MSI2: variants seen among roughly 807,000 people sequenced by gnomAD.
MSI2 encodes musashi RNA binding protein 2, also known as RNA-binding protein Musashi homolog 2.
Under a neutral mutation model 45.6 loss-of-function variants are expected in MSI2, and 17 were observed. The observed-to-expected ratio is 0.37, with a 90% CI of 0.26 to 0.56. MSI2 has a LOEUF of 0.56. Among genes scored for constraint, MSI2 ranks in the 20% least tolerant of loss-of-function variants. MSI2 has a pLI of 0.77. For missense variants in MSI2, 293 were observed against 444.2 expected (o/e 0.66, Z 3.06); for synonymous variants, 156 against 158.2 (o/e 0.99, Z 0.11).
chr17:57,293,905 G>A (rs2143486256), intron 5 of MSI2, among the ~76,000 whole-genome samples: 1 of 98,270 alleles, frequency 1.0e-5, no homozygotes, highest in African/African-American at 4.3e-5. Flanking sequence ...ACTGTGCCCA[G>A]CCTGTTTTTT....
chr17:57,272,814 C>T (rs77479961), intron 5 of MSI2, among the ~76,000 whole-genome samples: 1,967 of 152,254 alleles, frequency 0.013, 42 homozygotes, highest in African/African-American at 0.045. Flanking sequence ...GGCGAGTGTT[C>T]TGAAAAACTG....
At chr17:57,324,439 A>G (rs115423219) in intron 5 of MSI2, among the ~76,000 whole-genome samples, 1,575 of 152,140 alleles carry the variant, frequency 0.01, 33 homozygotes, top group African/African-American at 0.036. Flanking sequence ...ATTCAGTGAC[A>G]CTTCCCTTGT....
chr17:57,363,004 T>G (rs1467494594), intron 5 of MSI2, among the ~76,000 whole-genome samples: 1 of 152,256 alleles, frequency 6.6e-6, no homozygotes, highest in Non-Finnish European at 1.5e-5. Flanking sequence ...GCAGTTCTAC[T>G]TCTGGTTATA....
At chr17:57,501,746 C>T (rs754553025) in intron 6 of MSI2, among the ~76,000 whole-genome samples, 10 of 152,182 alleles carry the variant, frequency 6.6e-5, no homozygotes, top group Non-Finnish European at 1.3e-4. Context: ...AGCCCCTGCT[C>T]CTGGAGATTT....
intron 9 of MSI2, among the ~76,000 whole-genome samples, chr17:57,621,027 A>C (rs1350595142): frequency 6.6e-6 from 1 of 152,186 alleles, no homozygotes; most frequent in African/African-American, 2.4e-5. Context: ...GGACTCTCTA[A>C]GCGAGGAGAC....
chr17:57,430,618 A>ATTTTCCCATATG (rs896472855), intron 6 of MSI2, among the ~76,000 whole-genome samples: 1 of 151,728 alleles, frequency 6.6e-6, no homozygotes, highest in Admixed American at 6.6e-5. Flanking sequence ...TTCACCTCTC[A>ATTTTCCCATATG]TTTTCCCATA....
Position 57,681,635 on chromosome 17 carries a change from TA to T in MSI2, c.*2128del, listed in dbSNP as rs943044779. On this transcript the variant is annotated 3_prime_UTR_variant, in exon 14 of 14. Transcript: ENST00000284073. ...AAACAGCAACAACATTTTTTTTAAT[TA>T]AAAAAAAAATCATGTTCTTTGTTTT... The T allele has an allele frequency of 1.0e-3, 182 of 181,544 alleles. No individual in the cohort carries two copies. The highest frequency in any genetic ancestry group is 2.6e-3 in the East Asian group (28 of 10,972). The allele number at this position is 181,544 out of a possible 1,614,324, so 11.2% of individuals were successfully genotyped here.
rs563327421 is a variant in MSI2, at chr17:57,552,224, C to T, written c.454+22500C>T. Among the ~76,000 whole-genome samples the T allele has an allele frequency of 1.3e-5, 2 of 152,306 alleles. No homozygotes were observed. Among genetic ancestry groups the T allele is most frequent in the Admixed American group, 6.5e-5 (1 of 15,302 alleles). On this transcript the variant is annotated intron_variant, in intron 7 of 13. Coordinates refer to ENST00000284073, the MANE Select transcript of MSI2 (RefSeq NM_138962.4). The surrounding 1 kb of genome is among the most constrained non-coding windows in gnomAD (Gnocchi z 4.3). ...TTTTACTGCTAACGGGACAGAGTAA[C>T]GCACATAACCCATGGGGGAGTTGCA...
chr17:57,397,043 C>A (rs1055171745), intron 5 of MSI2, among the ~76,000 whole-genome samples: 2 of 152,154 alleles, frequency 1.3e-5, no homozygotes, highest in African/African-American at 4.8e-5. Flanking sequence ...TTGGACTGAG[C>A]TCCCTGAAAC....
At chr17:57,383,659 TA>T (rs200196606) in intron 5 of MSI2, among the ~76,000 whole-genome samples, 6 of 151,638 alleles carry the variant, frequency 4.0e-5, no homozygotes, top group African/African-American at 1.2e-4. Context: ...AGACTCCGTC[TA>T]AAAAAAATAA....
intron 5 of MSI2, among the ~76,000 whole-genome samples, chr17:57,309,742 G>A (rs1310090339): frequency 6.6e-6 from 1 of 152,156 alleles, no homozygotes; most frequent in Non-Finnish European, 1.5e-5. Context: ...GAGTCGTTGG[G>A]GAAGAGGAGG....
rs548652039 is a variant in MSI2 at position 57,669,063 on chromosome 17, T to A, written c.791-5909T>A. Among the ~76,000 whole-genome samples the A allele has an allele frequency of 5.3e-4, 81 of 152,340 alleles. No homozygotes were observed. In the South Asian group the frequency reaches 0.017, roughly 31 times the overall value. On this transcript the variant is annotated intron_variant, in intron 11 of 13. Transcript: ENST00000284073. The stretch of plus-strand genomic sequence containing the variant: ...GGCCGGGCAGACTCCTGAAGTATAA[T>A]CCTACCTTGCTCTGCTCAAGACATG...
chr17:57,425,676 T>C (rs2084477672), intron 6 of MSI2, among the ~76,000 whole-genome samples: 1 of 152,252 alleles, frequency 6.6e-6, no homozygotes, highest in African/African-American at 2.4e-5. Flanking sequence ...ATTATGATCA[T>C]TGTTTGGTAT....
At chr17:57,364,645 C>T (rs923484730) in intron 5 of MSI2, among the ~76,000 whole-genome samples, 1 of 152,076 alleles carries the variant, frequency 6.6e-6, no homozygotes, top group Non-Finnish European at 1.5e-5. Context: ...TTTCCCCTCT[C>T]CAGCTTGGAC....
At chr17:57,689,989 C>A in the MSI2 span, among the ~76,000 whole-genome samples, 3 of 152,064 alleles carry the variant, frequency 2.0e-5, no homozygotes, top group African/African-American at 7.2e-5. Flanking sequence ...TTTTTCATTT[C>A]TCTTGGGTAA....
rs1025024568 is a variant in MSI2, at chr17:57,377,081, C to A, written c.313-24298C>A. 5.8e-4 allele frequency among the ~76,000 whole-genome samples: 88 copies of A among 152,260 alleles called. 1 individual carries two copies. Among genetic ancestry groups the A allele is most frequent in the South Asian group, 2.1e-4 (1 of 4,814 alleles). On this transcript the variant is annotated intron_variant, in intron 5 of 13. Transcript: ENST00000284073. ...GACTACAGGCGCCCGCCACCACGCCCAGCTAATTTTTTGTATTTTTAGTAG... is the reference window on the plus strand; with the variant it reads ...GACTACAGGCGCCCGCCACCACGCCAAGCTAATTTTTTGTATTTTTAGTAG...
chr17:57,536,219 G>A (rs1215828048), intron 7 of MSI2, among the ~76,000 whole-genome samples: 1 of 152,218 alleles, frequency 6.6e-6, no homozygotes, highest in Admixed American at 6.5e-5. Context: ...CCTTCCTAAT[G>A]AGAGTCTAAC....
intron 5 of MSI2, among the ~76,000 whole-genome samples, chr17:57,375,970 C>T: frequency 6.6e-6 from 1 of 152,222 alleles, no homozygotes; most frequent in East Asian, 1.9e-4. Flanking sequence ...AACTTGTGTG[C>T]AGCTGCTTGC....
At chr17:57,550,373 G>A (rs549929570) in intron 7 of MSI2, among the ~76,000 whole-genome samples, 19 of 152,236 alleles carry the variant, frequency 1.2e-4, no homozygotes, top group African/African-American at 4.3e-4. Flanking sequence ...CTTCTCCTTT[G>A]TTAACAAAAG....
Sources: gnomAD v4.1 joint callset for allele counts (sites outside exome capture counted in the v4.1 genomes callset) on GRCh38, gnomAD v4.1.1 for gene constraint, Gnocchi (gnomAD v3.1) non-coding constraint, MANE v1.5 for transcripts, NCBI Gene and HGNC (gene_info 2026-07-23, HGNC 2026-07-21) for gene names.